Variants in AIG1 observed in about 807,000 individuals in gnomAD.
The protein encoded by AIG1 is androgen-induced gene 1 protein.
Under a neutral mutation model 31.4 loss-of-function variants are expected in AIG1, and 23 were observed. That is an observed-to-expected ratio of 0.73 (90% CI 0.53 to 1.04). The LOEUF (loss-of-function observed/expected upper bound fraction) is 1.04. AIG1 is among the 50% of genes least tolerant of loss of function. The pLI is 0.00. For synonymous variants in AIG1, 100 were observed against 110.5 expected (o/e 0.90, Z 0.60); for missense variants, 274 against 295.0 (o/e 0.93, Z 0.52).
intron 3 of AIG1, among the ~76,000 whole-genome samples, chr6:143,214,605 G>A (rs570121659): frequency 6.6e-6 from 1 of 152,088 alleles, no homozygotes; most frequent in South Asian, 2.1e-4. Flanking sequence ...CCTCCTCATT[G>A]TGGCCAGAAT....
intron 1 of AIG1, among the ~76,000 whole-genome samples, chr6:143,093,702 A>G (rs866384773): frequency 1.3e-5 from 2 of 152,188 alleles, no homozygotes; most frequent in Non-Finnish European, 2.9e-5. Flanking sequence ...AGAGATGTGC[A>G]ACTCTTCTTT....
At chr6:143,142,716 T>C (rs1002020389) in intron 2 of AIG1, among the ~76,000 whole-genome samples, 1 of 152,230 alleles carries the variant, frequency 6.6e-6, no homozygotes, top group African/African-American at 2.4e-5. Flanking sequence ...TAACTATTTT[T>C]AGTGTTATAA....
At chr6:143,262,250 C>T (rs1387962298) in intron 3 of AIG1, among the ~76,000 whole-genome samples, 1 of 152,174 alleles carries the variant, frequency 6.6e-6, no homozygotes, top group Non-Finnish European at 1.5e-5. Context: ...ATCCAAGTAG[C>T]ATAGGAAATA....
In AIG1 at chr6:143,326,339, G is replaced by C. The variant is rs1776608888; in HGVS notation, c.516-6943G>C. 6.6e-6 allele frequency among the ~76,000 whole-genome samples: 1 copy of C among 152,142 alleles called. No individual in the cohort carries two copies. ...TTCTGGGAGCGTTCTCTTGTTCTCAGTTCTTTAGACATGCCTTTTTTTGGC... is the reference window on the plus strand; with the variant it reads ...TTCTGGGAGCGTTCTCTTGTTCTCACTTCTTTAGACATGCCTTTTTTTGGC... On this transcript the variant is annotated intron_variant, in intron 4 of 5. Coordinates refer to ENST00000357847, the MANE Select transcript of AIG1 (RefSeq NM_016108.4). This position sits in a 1 kb window ranked among gnomAD's most constrained non-coding sequence, Gnocchi z 4.5.
intron 3 of AIG1, among the ~76,000 whole-genome samples, chr6:143,277,601 T>A (rs1462099064): frequency 6.6e-6 from 1 of 152,216 alleles, no homozygotes; most frequent in Non-Finnish European, 1.5e-5. Context: ...CTCTAGTGAT[T>A]TGATGCACAC....
At chr6:143,189,222 T>A (rs867828131) in intron 3 of AIG1, 129 of 433,042 alleles carry the variant, frequency 3.0e-4, no homozygotes, top group Admixed American at 3.9e-4. Context: ...TTTTTAAAAA[T>A]TTTTTTGTAG....
intron 2 of AIG1, among the ~76,000 whole-genome samples, chr6:143,154,374 A>G (rs1785522991): frequency 6.6e-6 from 1 of 152,190 alleles, no homozygotes; most frequent in Non-Finnish European, 1.5e-5. Flanking sequence ...TGCATATAAT[A>G]GTCTCAAAAT....
At chr6:143,079,822 A>T (rs1472451510) in intron 1 of AIG1, among the ~76,000 whole-genome samples, 14 of 138,532 alleles carry the variant, frequency 1.0e-4, no homozygotes, top group African/African-American at 3.6e-4. Flanking sequence ...GATTTAATAG[A>T]GTGAAAACAG....
downstream of AIG1, chr6:143,343,218 G>C (rs549212320): frequency 2.4e-4 from 163 of 682,676 alleles, no homozygotes; most frequent in African/African-American, 2.3e-3. Flanking sequence ...AATGATCCTG[G>C]GACGGAAATT....
chr6:143,136,169 A>G (rs974891610), intron 1 of AIG1, among the ~76,000 whole-genome samples: 33 of 152,302 alleles, frequency 2.2e-4, no homozygotes, highest in Non-Finnish European at 3.1e-4. Context: ...CTTTGGAAAT[A>G]TTTTATTTCA....
At chr6:143,239,019 A>G (rs560858238) in intron 3 of AIG1, among the ~76,000 whole-genome samples, 4 of 152,340 alleles carry the variant, frequency 2.6e-5, no homozygotes, top group South Asian at 4.1e-4. Flanking sequence ...ACTGGCCACC[A>G]TGAAACAAAG....
In AIG1 at chr6:143,268,512, A is replaced by G. The variant is rs1466816647; in HGVS notation, c.400-15598A>G. On this transcript the variant is annotated intron_variant, in intron 3 of 5. Transcript: ENST00000357847. The surrounding 1 kb of genome is among the most constrained non-coding windows in gnomAD (Gnocchi z 5.0). ...TGTCAAGGAGGCTTATTAGCTGTGC[A>G]TGACCATATATAAAATTACAGGGGC... Among the ~76,000 whole-genome samples, 2 of 152,220 alleles carry G rather than the reference A, an allele frequency of 1.3e-5. No individual in the cohort carries two copies. The highest frequency in any genetic ancestry group is 2.4e-5 in the African/African-American group (1 of 41,426).
At chr6:143,180,784 A>G (rs1469150477) in intron 3 of AIG1, among the ~76,000 whole-genome samples, 1 of 152,182 alleles carries the variant, frequency 6.6e-6, no homozygotes, top group Non-Finnish European at 1.5e-5. Context: ...TGAGGAGAAA[A>G]AAATAATAAA....
At chr6:143,282,187 C>A (rs1797382464) in intron 3 of AIG1, among the ~76,000 whole-genome samples, 1 of 152,082 alleles carries the variant, frequency 6.6e-6, no homozygotes, top group Non-Finnish European at 1.5e-5. Context: ...TCATTTGGAG[C>A]AATGAATGAA....
At chr6:143,138,699 C>T (rs1783978751) in intron 2 of AIG1, among the ~76,000 whole-genome samples, 1 of 152,004 alleles carries the variant, frequency 6.6e-6, no homozygotes, top group Non-Finnish European at 1.5e-5. Flanking sequence ...CAAGACCATC[C>T]TGGCTAACAC....
At chr6:143,169,921 T>C (rs1256703232) in intron 3 of AIG1, among the ~76,000 whole-genome samples, 2 of 152,198 alleles carry the variant, frequency 1.3e-5, no homozygotes, top group Non-Finnish European at 2.9e-5. Context: ...CATTTGTGTA[T>C]GTTGAATCAT....
chr6:143,127,391 C>T (rs1782783923), intron 1 of AIG1, among the ~76,000 whole-genome samples: 1 of 152,148 alleles, frequency 6.6e-6, no homozygotes, highest in African/African-American at 2.4e-5. Flanking sequence ...AACTTGAAAA[C>T]ATGAACCATC....
chr6:143,118,439 CAG>C (rs991514708), intron 1 of AIG1, among the ~76,000 whole-genome samples: 2 of 142,540 alleles, frequency 1.4e-5, no homozygotes, highest in African/African-American at 5.4e-5. Context: ...AGCCTGGCAA[CAG>C]AGCGAGACTC....
At chr6:143,207,884 G>A (rs1367678371) in intron 3 of AIG1, among the ~76,000 whole-genome samples, 1 of 152,076 alleles carries the variant, frequency 6.6e-6, no homozygotes, top group South Asian at 2.1e-4. Context: ...AAGGTTTGTT[G>A]CCCTCAGAAT....
Sources: gnomAD v4.1 joint callset for allele counts (sites outside exome capture counted in the v4.1 genomes callset) on GRCh38, gnomAD v4.1.1 for gene constraint, Gnocchi (gnomAD v3.1) non-coding constraint, MANE v1.5 for transcripts, NCBI Gene and HGNC (gene_info 2026-07-23, HGNC 2026-07-21) for gene names.